Variants in GARNL3 observed in about 807,000 individuals in gnomAD.
The protein encoded by GARNL3 is GTPase-activating Rap/Ran-GAP domain-like protein 3.
Under a neutral mutation model 125.0 loss-of-function variants are expected in GARNL3, and 63 were observed. That is an observed-to-expected ratio of 0.50 (90% CI 0.41 to 0.62). GARNL3 has a LOEUF of 0.62. Ranked by LOEUF, GARNL3 falls within the 20% of genes least tolerant of loss-of-function variation. The pLI, the probability that GARNL3 is intolerant of heterozygous loss-of-function variation, is 0.00. For synonymous variants in GARNL3, 439 were observed against 457.5 expected (o/e 0.96, Z 0.52); for missense variants, 994 against 1,244.0 (o/e 0.80, Z 3.02).
At chr9:127,331,572 G>A (rs1039648460) in intron 7 of GARNL3, among the ~76,000 whole-genome samples, 3 of 151,494 alleles carry the variant, frequency 2.0e-5, no homozygotes, top group African/African-American at 7.3e-5. Flanking sequence ...CCCTGTTTAC[G>A]CCTCCCTGCC....
At position 127,387,308 on chromosome 9, in the gene GARNL3, T is replaced by C. The variant is rs764241976; in HGVS notation, c.2504T>C (p.Val835Ala). 2 of 1,613,598 alleles carry C rather than the reference T, an allele frequency of 1.2e-6. No individual in the cohort carries two copies. Among genetic ancestry groups the C allele is most frequent in the East Asian group, 4.5e-5 (2 of 44,874 alleles). The part of the protein sequence containing the change: ...PQTPPGRDTP[V>A]FPSSLGEGEI... ...ACACCCCCGGGCCGAGATACTCCAG[T>C]ATTTCCTTCTTCCCTGGGGGAAGGT... Residue 835 changes from valine to alanine, a missense_variant, in exon 25 of 28, where the codon GTA becomes GCA. By Grantham distance (64) the Val-to-Ala change is moderately conservative. Coordinates refer to ENST00000373387, the MANE Select transcript of GARNL3 (RefSeq NM_032293.5).
chr9:127,326,683 C>T (rs977830989), intron 7 of GARNL3, among the ~76,000 whole-genome samples: 1 of 152,130 alleles, frequency 6.6e-6, no homozygotes, highest in Non-Finnish European at 1.5e-5. Context: ...TGTGTCCCCC[C>T]AAAATTCATA....
chr9:127,300,659 T>G, intron 2 of GARNL3: 1 of 286,044 alleles, frequency 3.5e-6, no homozygotes, highest in Non-Finnish European at 6.7e-6. Flanking sequence ...TTCACCATGT[T>G]GGCCAGGCTG....
At chr9:127,368,602 A>G in intron 22 of GARNL3, among the ~76,000 whole-genome samples, 1 of 146,146 alleles carries the variant, frequency 6.8e-6, no homozygotes, top group Non-Finnish European at 1.5e-5. Flanking sequence ...AAGTGCTGGG[A>G]TTACAGGCGT....
intron 5 of GARNL3, among the ~76,000 whole-genome samples, chr9:127,319,235 A>G (rs2065326223): frequency 6.6e-6 from 1 of 152,202 alleles, no homozygotes; most frequent in Non-Finnish European, 1.5e-5. Flanking sequence ...CTGTAATCTC[A>G]GCACTTTGGG....
Position 127,243,210 on chromosome 9 carries a change from G to A in GARNL3, c.104G>A (p.Trp35Ter). The A allele has an allele frequency of 7.3e-7, 1 of 1,366,562 alleles. No homozygotes were observed. Among genetic ancestry groups the A allele is most frequent in the Non-Finnish European group, 9.8e-7 (1 of 1,021,856 alleles). The allele number at this position is 1,366,562 out of a possible 1,614,324, so 84.7% of individuals were successfully genotyped here. A position where few individuals can be genotyped will look rare whatever the true frequency, so the allele number is the denominator to read the frequency against. ...TTCGGCATCCAGCCCCTTCAGACAT[G>A]GCCAACGAAAGACCCTGAACTAGAG... Residue 35 changes from tryptophan to a stop codon, truncating the protein, a stop_gained, in exon 2 of 11, where the codon TGG (tryptophan) becomes TAG (stop). Coordinates refer to the GARNL3 transcript ENST00000439286. LOFTEE classifies it high-confidence loss of function.
chr9:127,310,423 A>G (rs1240500505), intron 2 of GARNL3, among the ~76,000 whole-genome samples: 3 of 152,248 alleles, frequency 2.0e-5, no homozygotes, highest in Non-Finnish European at 4.4e-5. Flanking sequence ...GGCAAAGGAC[A>G]TAAACAGGTA....
At chr9:127,225,527 G>C (rs2062892164) in intron 1 of GARNL3, 1 of 304,096 alleles carries the variant, frequency 3.3e-6, no homozygotes. Context: ...TCAGGAGACC[G>C]GGCGCGGAGC....
intron 22 of GARNL3, among the ~76,000 whole-genome samples, chr9:127,373,492 C>T (rs10987623): frequency 0.018 from 2,792 of 152,310 alleles, 94 homozygotes; most frequent in East Asian, 0.16. Flanking sequence ...CAGCCGGGTC[C>T]GATGGCTCAC....
chr9:127,266,268 A>G lies in GARNL3; in HGVS notation c.144+1247A>G, dbSNP rs993302935. ...ATCACCCATTCTGGCCAGGGGTCTC[A>G]GAGACACACCATGGAAGACCTTGCA... is the stretch of plus-strand genomic sequence containing the variant. On this transcript the variant is annotated intron_variant, in intron 1 of 27. Transcript: ENST00000373387. The surrounding 1 kb of genome is among the most constrained non-coding windows in gnomAD (Gnocchi z 4.0). 6.6e-6 allele frequency among the ~76,000 whole-genome samples: 1 copy of G among 152,208 alleles called. No homozygotes were observed. Among genetic ancestry groups the G allele is most frequent in the African/African-American group, 2.4e-5 (1 of 41,450 alleles).
At chr9:127,278,869 A>G (rs1021192057) in intron 1 of GARNL3, among the ~76,000 whole-genome samples, 7 of 152,078 alleles carry the variant, frequency 4.6e-5, no homozygotes, top group African/African-American at 1.7e-4. Flanking sequence ...GCGTCACTCC[A>G]GTCTCTGCCT....
intron 1 of GARNL3, 89 bp downstream of exon 1, chr9:127,265,110 A>G: frequency 7.8e-6 from 9 of 1,147,816 alleles, no homozygotes; most frequent in Non-Finnish European, 1.1e-5. Context: ...TTGTATATTT[A>G]CTGTTAGACC....
rs759018886 is a variant in GARNL3, at chr9:127,264,869, T to G, written c.-9T>G. ...CTGCAAGTCTGTTCCATAGCAGCCCTTTTTGCAAATGGTAGTTGATTTTTG... is the reference window on the plus strand; with the variant it reads ...CTGCAAGTCTGTTCCATAGCAGCCCGTTTTGCAAATGGTAGTTGATTTTTG... On this transcript the variant is annotated 5_prime_UTR_variant, in exon 1 of 28. Coordinates refer to ENST00000373387, the MANE Select transcript of GARNL3 (RefSeq NM_032293.5). 1.9e-6 allele frequency: 3 copies of G among 1,571,324 alleles called. No individual in the cohort carries two copies. The highest frequency in any genetic ancestry group is 1.2e-5 in the South Asian group (1 of 85,392).
chr9:127,318,429 G>A (rs2065300113), intron 5 of GARNL3, among the ~76,000 whole-genome samples: 1 of 152,162 alleles, frequency 6.6e-6, no homozygotes, highest in South Asian at 2.1e-4. Flanking sequence ...CTGATTTTGA[G>A]CATTGCTCTT....
chr9:127,239,531 CTT>C (rs1310933849), intron 1 of GARNL3, among the ~76,000 whole-genome samples: 8 of 152,216 alleles, frequency 5.3e-5, no homozygotes, highest in Non-Finnish European at 1.2e-4. Flanking sequence ...TGGCCACTCT[CTT>C]GTTTCAATAA....
chr9:127,240,576 G>C (rs985437228), intron 1 of GARNL3, among the ~76,000 whole-genome samples: 1 of 152,166 alleles, frequency 6.6e-6, no homozygotes. Context: ...CTACATATGT[G>C]ACTTTACATT....
chr9:127,351,170 C>T (rs1011348534), intron 17 of GARNL3, among the ~76,000 whole-genome samples: 6 of 152,176 alleles, frequency 3.9e-5, no homozygotes, highest in Non-Finnish European at 1.5e-5. Flanking sequence ...AATGACTATT[C>T]GTAAGCTTGC....
At chr9:127,331,278 C>G (rs1395380970) in intron 7 of GARNL3, among the ~76,000 whole-genome samples, 5 of 152,018 alleles carry the variant, frequency 3.3e-5, no homozygotes, top group Non-Finnish European at 7.4e-5. Flanking sequence ...TGCCTGAGGT[C>G]AGGAGTTCAA....
chr9:127,271,007 T>C (rs1413099228), intron 1 of GARNL3, among the ~76,000 whole-genome samples: 3 of 150,068 alleles, frequency 2.0e-5, no homozygotes, highest in Non-Finnish European at 4.4e-5. Flanking sequence ...AGTGGGGTCA[T>C]AGACTATAAA....
Sources: gnomAD v4.1 joint callset for allele counts (sites outside exome capture counted in the v4.1 genomes callset) on GRCh38, gnomAD v4.1.1 for gene constraint, Gnocchi (gnomAD v3.1) non-coding constraint, MANE v1.5 for transcripts, NCBI Gene and HGNC (gene_info 2026-07-23, HGNC 2026-07-21) for gene names.